NCF4: variants seen among roughly 807,000 people sequenced by gnomAD.
NCF4 encodes neutrophil cytosolic factor 4.
NCF4 carries 30 observed loss-of-function variants against 41.7 expected under a neutral mutation model. The observed-to-expected ratio is 0.72, with a 90% CI of 0.54 to 0.97. NCF4 has a LOEUF of 0.97. Among genes scored for constraint, NCF4 ranks in the 50% least tolerant of loss-of-function variants. The pLI, the probability that NCF4 is intolerant of heterozygous loss-of-function variation, is 0.00. For synonymous variants in NCF4, 195 were observed against 175.8 expected, an observed-to-expected ratio of 1.11 and a Z score of -0.87; for missense variants, 432 against 460.9, an observed-to-expected ratio of 0.94 and a Z score of 0.57.
Position 36,865,197 on chromosome 22 carries a change from C to T in NCF4, c.271+125C>T. ...AACTGTTCATGTAGTTTATAGCCCC[C>T]ACTCCCGGCAGTTACAGGCTGCCAA... is the stretch of plus-strand genomic sequence containing the variant. On this transcript the variant is annotated intron_variant, in intron 3 of 9. Transcript: ENST00000248899. This position sits in a 1 kb window ranked among gnomAD's most constrained non-coding sequence, Gnocchi z 4.3. 1 of 1,393,912 alleles carries T rather than the reference C, an allele frequency of 7.2e-7. No homozygotes were observed. The allele number at this position is 1,393,912 out of a possible 1,614,324, so 86.3% of individuals were successfully genotyped here. A position where few individuals can be genotyped will look rare whatever the true frequency, so the allele number is the denominator to read the frequency against.
rs775117377 is a variant in NCF4 at position 36,877,816 on chromosome 22, TGCC to T, written c.1014_1016del (p.Met338_Pro339delinsIle). On this transcript the variant is annotated inframe_deletion, in exon 10 of 10. Transcript: ENST00000248899. ...GACAACTACAGGGTCTACAACACGA[TGCC>T]ATGAGCTGACGGTGTCCCTGGAGCA... 6.2e-7 allele frequency: 1 copy of T among 1,613,352 alleles called. No individual in the cohort carries two copies.
At position 36,861,205 on chromosome 22, in the gene NCF4, T is replaced by C. The variant is rs1601543670; in HGVS notation, c.32+2T>C. 1 of 1,551,072 alleles carries C rather than the reference T, an allele frequency of 6.4e-7. No homozygotes were observed. Among genetic ancestry groups the C allele is most frequent in the South Asian group, 1.2e-5 (1 of 84,020 alleles). ...GGCCCAGCAGCTGCGGGCCGAGAGGTGAGTGCCGGGGTGTGGCCGCCCCCG... is the reference window on the plus strand; with the variant it reads ...GGCCCAGCAGCTGCGGGCCGAGAGGCGAGTGCCGGGGTGTGGCCGCCCCCG... On this transcript the variant is annotated splice_donor_variant, in intron 1 of 9. Coordinates refer to ENST00000248899, the MANE Select transcript of NCF4 (RefSeq NM_000631.5). LOFTEE classifies it high-confidence loss of function.
At chr22:36,867,256 T>C in intron 3 of NCF4, 136 bp from the exon 4 acceptor site, 1 of 865,668 alleles carries the variant, frequency 1.2e-6, no homozygotes, top group South Asian at 1.4e-5. Context: ...ACTTCAGTGC[T>C]GTGAAAAGAT....
intron 4 of NCF4, among the ~76,000 whole-genome samples, chr22:36,869,515 T>G (rs1483291616): frequency 6.6e-6 from 1 of 152,090 alleles, no homozygotes; most frequent in East Asian, 1.9e-4. Context: ...CCAGTTCCTC[T>G]CGGACAAAGT....
chr22:36,877,579 CCTACCT>C (rs1288315125), intron 9 of NCF4, 43 bp from the exon 10 acceptor site: 3 of 1,603,996 alleles, frequency 1.9e-6, no homozygotes, highest in African/African-American at 1.3e-5. Flanking sequence ...TCTCCCTACC[CCTACCT>C]TACGCTTAGG....
intron 7 of NCF4, among the ~76,000 whole-genome samples, chr22:36,875,258 G>A (rs1371602972): frequency 6.6e-6 from 1 of 152,068 alleles, no homozygotes; most frequent in African/African-American, 2.4e-5. Context: ...TCGAACTACT[G>A]ATCTCAAGTG....
intron 1 of NCF4, among the ~76,000 whole-genome samples, chr22:36,863,753 T>A: frequency 6.6e-6 from 1 of 151,328 alleles, no homozygotes; most frequent in Non-Finnish European, 1.5e-5. Flanking sequence ...ATAATTTGGC[T>A]ATTGCTATAT....
chr22:36,863,965 T>A lies in NCF4; in HGVS notation c.33-80T>A, dbSNP rs111915358. ...TTGGCTTCACAACATTAGTTTGCTTTGCACTCTACCTCATACCCGGTGGGC... is the reference window on the plus strand; with the variant it reads ...TTGGCTTCACAACATTAGTTTGCTTAGCACTCTACCTCATACCCGGTGGGC... On this transcript the variant is annotated intron_variant, in intron 1 of 9. Coordinates refer to ENST00000248899, the MANE Select transcript of NCF4 (RefSeq NM_000631.5). 2,404 of 1,341,310 alleles carry A rather than the reference T, an allele frequency of 1.8e-3. 9 individuals are homozygous for A. The highest frequency in any genetic ancestry group is 3.0e-3 in the African/African-American group (206 of 68,884). The allele number at this position is 1,341,310 out of a possible 1,614,324, so 83.1% of individuals were successfully genotyped here. A position where few individuals can be genotyped will look rare whatever the true frequency, so the allele number is the denominator to read the frequency against.
chr22:36,874,792 T>C (rs987707441), intron 7 of NCF4, among the ~76,000 whole-genome samples: 9 of 152,240 alleles, frequency 5.9e-5, no homozygotes, highest in Admixed American at 5.9e-4. Context: ...GTCTGATTTC[T>C]GGCTACTTGG....
At chr22:36,869,173 C>G (rs1389847657) in intron 4 of NCF4, among the ~76,000 whole-genome samples, 1 of 152,190 alleles carries the variant, frequency 6.6e-6, no homozygotes, top group South Asian at 2.1e-4. Flanking sequence ...ATTCACATCT[C>G]TGTGACTCCA....
At chr22:36,871,553 C>A in intron 5 of NCF4, 99 bp from the exon 6 acceptor site, 1 of 1,349,884 alleles carries the variant, frequency 7.4e-7, no homozygotes, top group Non-Finnish European at 1.0e-6. Context: ...TCTCCTCTGC[C>A]TTCCCTGCTC....
Position 36,861,025 on chromosome 22 carries a change from C to T in NCF4, c.-147C>T, listed in dbSNP as rs11703711. 2.8e-6 allele frequency: 3 copies of T among 1,074,414 alleles called. No homozygotes were observed. Among genetic ancestry groups the T allele is most frequent in the Admixed American group, 2.0e-5 (1 of 50,292 alleles). 66.6% of individuals were successfully genotyped at this position (1,074,414 alleles called of 1,614,324 possible). On this transcript the variant is annotated 5_prime_UTR_variant, in exon 1 of 10. Transcript: ENST00000248899. The stretch of plus-strand genomic sequence containing the variant: ...TCTGCCAGACTGGAGAGAAGCAGGC[C>T]TGAGCCTCCCCAAAGGCAGCTCCTG...
chr22:36,862,217 A>G (rs572360045), intron 1 of NCF4, among the ~76,000 whole-genome samples: 2 of 152,370 alleles, frequency 1.3e-5, no homozygotes, highest in East Asian at 3.9e-4. Context: ...GGGGGTCACC[A>G]GAGACAGGCC....
In NCF4 at chr22:36,869,492, G is replaced by A. The variant is rs1046038674; in HGVS notation, c.343-923G>A. On this transcript the variant is annotated intron_variant, in intron 4 of 9. Coordinates refer to ENST00000248899, the MANE Select transcript of NCF4 (RefSeq NM_000631.5). Reference sequence around the variant, plus strand: ...CTGTCCCCATATGACAGCCTTTTCCGGGCTCTGCATCCCCAGTTCCTCTCG... The same window carrying A: ...CTGTCCCCATATGACAGCCTTTTCCAGGCTCTGCATCCCCAGTTCCTCTCG... Among the ~76,000 whole-genome samples, 15 of 152,100 alleles carry A rather than the reference G, an allele frequency of 9.9e-5. No homozygotes were observed. In the East Asian group the frequency reaches 1.4e-3, roughly 14 times the overall value.
rs553274020 is a variant in NCF4, at chr22:36,865,179, C to T, written c.271+107C>T. 1.8e-3 allele frequency: 2,772 copies of T among 1,502,446 alleles called. 7 individuals carry two copies. The highest frequency in any genetic ancestry group is 2.4e-3 in the Non-Finnish European group (2,610 of 1,106,790). 93.1% of individuals were successfully genotyped at this position (1,502,446 alleles called of 1,614,324 possible). ...GATCTCAACCCCAGTGAAAACTGTTCATGTAGTTTATAGCCCCCACTCCCG... is the reference window on the plus strand; with the variant it reads ...GATCTCAACCCCAGTGAAAACTGTTTATGTAGTTTATAGCCCCCACTCCCG... On this transcript the variant is annotated intron_variant, in intron 3 of 9. Coordinates refer to ENST00000248899, the MANE Select transcript of NCF4 (RefSeq NM_000631.5). This position sits in a 1 kb window ranked among gnomAD's most constrained non-coding sequence, Gnocchi z 4.3.
intron 4 of NCF4, chr22:36,869,990 G>T: frequency 3.8e-6 from 1 of 265,246 alleles, no homozygotes. Flanking sequence ...CCCCAGCTCT[G>T]TCCCTTGCTA....
At chr22:36,870,652 C>T in intron 5 of NCF4, 110 bp downstream of exon 5, 1 of 1,420,724 alleles carries the variant, frequency 7.0e-7, no homozygotes, top group Non-Finnish European at 9.7e-7. Context: ...AGCCATATCC[C>T]TGGACACTCC....
intron 9 of NCF4, among the ~76,000 whole-genome samples, chr22:36,877,268 C>G (rs748471792): frequency 1.3e-5 from 2 of 152,144 alleles, no homozygotes; most frequent in Non-Finnish European, 2.9e-5. Flanking sequence ...TCCTGAGTGG[C>G]TGGGATCACA....
At chr22:36,877,389 G>T (rs747612574) in intron 9 of NCF4, among the ~76,000 whole-genome samples, 1 of 151,930 alleles carries the variant, frequency 6.6e-6, no homozygotes, top group Non-Finnish European at 1.5e-5. Context: ...TGCCTGCCTC[G>T]GCCTCCCAAA....
Sources: gnomAD v4.1 joint callset for allele counts (sites outside exome capture counted in the v4.1 genomes callset) on GRCh38, gnomAD v4.1.1 for gene constraint, Gnocchi (gnomAD v3.1) non-coding constraint, MANE v1.5 for transcripts, NCBI Gene and HGNC (gene_info 2026-07-23, HGNC 2026-07-21) for gene names.